EYS: variants seen among roughly 807,000 people sequenced by gnomAD.
EYS encodes the protein protein eyes shut homolog.
EYS carries 250 observed loss-of-function variants against 282.1 expected under a neutral mutation model. That is an observed-to-expected ratio of 0.89 (90% CI 0.80 to 0.98). The LOEUF (loss-of-function observed/expected upper bound fraction) is 0.98. EYS is among the 50% of genes least tolerant of loss of function. The pLI is 0.00. For missense variants in EYS, 4,016 were observed against 3,709.0 expected, an observed-to-expected ratio of 1.08 and a Z score of -2.15; for synonymous variants, 1,355 against 1,282.9, an observed-to-expected ratio of 1.06 and a Z score of -1.20.
chr6:64,023,265 A>T (rs1298878386), intron 33 of EYS, among the ~76,000 whole-genome samples: 3 of 152,228 alleles, frequency 2.0e-5, no homozygotes, highest in Non-Finnish European at 4.4e-5. Context: ...CTGTTGATCG[A>T]TACTTCTCCA....
intron 30 of EYS, among the ~76,000 whole-genome samples, chr6:64,266,295 A>G (rs780805297): frequency 3.9e-5 from 6 of 152,126 alleles, no homozygotes; most frequent in Non-Finnish European, 7.4e-5. Flanking sequence ...ATACATGGGT[A>G]ATACCTAAGC....
chr6:64,650,608 A>G (rs1768522928), intron 22 of EYS, among the ~76,000 whole-genome samples: 1 of 152,048 alleles, frequency 6.6e-6, no homozygotes, highest in South Asian at 2.1e-4. Context: ...TATTGTTTTG[A>G]GGAAAGGGGG....
intron 12 of EYS, among the ~76,000 whole-genome samples, chr6:65,263,973 G>C (rs1326882688): frequency 6.6e-6 from 1 of 151,994 alleles, no homozygotes; most frequent in Non-Finnish European, 1.5e-5. Flanking sequence ...TAGGAAAAAA[G>C]CCAGTCATGA....
At chr6:65,458,358 C>T (rs1272920524) in intron 5 of EYS, among the ~76,000 whole-genome samples, 1 of 152,094 alleles carries the variant, frequency 6.6e-6, no homozygotes, top group Non-Finnish European at 1.5e-5. Flanking sequence ...AGGACAGAAA[C>T]TACGGATTCA....
intron 14 of EYS, 135 bp downstream of exon 14, chr6:64,997,447 T>C: frequency 1.2e-6 from 1 of 800,146 alleles, no homozygotes. Flanking sequence ...AGTTTCTGTT[T>C]TCTAACCTTG....
chr6:65,460,326 A>C (rs1764785875), intron 5 of EYS, among the ~76,000 whole-genome samples: 1 of 151,850 alleles, frequency 6.6e-6, no homozygotes, highest in Admixed American at 6.6e-5. Context: ...GCCATACTAT[A>C]AATGTTTGCA....
At chr6:64,001,332 A>G (rs575531449) in intron 33 of EYS, among the ~76,000 whole-genome samples, 1 of 152,350 alleles carries the variant, frequency 6.6e-6, no homozygotes, top group South Asian at 2.1e-4. Context: ...TTTTGTAAAA[A>G]TAAATTACAC....
At chr6:64,530,125 T>C (rs1041665696) in intron 26 of EYS, among the ~76,000 whole-genome samples, 1 of 152,134 alleles carries the variant, frequency 6.6e-6, no homozygotes. Flanking sequence ...ACAGTCTTTT[T>C]AGTATAGTGA....
intron 35 of EYS, among the ~76,000 whole-genome samples, chr6:63,895,157 AAAAG>A (rs1160608663): frequency 6.6e-6 from 1 of 152,154 alleles, no homozygotes; most frequent in Non-Finnish European, 1.5e-5. Flanking sequence ...ATAAAAAAAA[AAAAG>A]AATGGAGGCA....
At chr6:64,831,764 T>C (rs1252668658) in intron 19 of EYS, among the ~76,000 whole-genome samples, 1 of 151,966 alleles carries the variant, frequency 6.6e-6, no homozygotes, top group Non-Finnish European at 1.5e-5. Flanking sequence ...GTAAAAGTTA[T>C]AAAAACAATT....
chr6:64,241,942 C>G (rs1249874268), intron 30 of EYS, among the ~76,000 whole-genome samples: 2 of 151,878 alleles, frequency 1.3e-5, no homozygotes, highest in Non-Finnish European at 2.9e-5. Flanking sequence ...TATTCAGGAG[C>G]AGTTTGTCGG....
chr6:64,167,238 T>C (rs1267253292), intron 31 of EYS, among the ~76,000 whole-genome samples: 2 of 152,194 alleles, frequency 1.3e-5, no homozygotes, highest in Non-Finnish European at 2.9e-5. Context: ...TTCTGGTATA[T>C]AAAATGGTAC....
At chr6:64,612,333 C>G (rs955126029) in intron 24 of EYS, among the ~76,000 whole-genome samples, 1 of 152,034 alleles carries the variant, frequency 6.6e-6, no homozygotes, top group East Asian at 1.9e-4. Context: ...AGACACTCAT[C>G]GGTTAATGCA....
At chr6:65,053,825 A>G (rs1467697048) in intron 13 of EYS, among the ~76,000 whole-genome samples, 4 of 151,934 alleles carry the variant, frequency 2.6e-5, no homozygotes, top group Non-Finnish European at 4.4e-5. Flanking sequence ...ACCTGTATCT[A>G]TTGAATTCCA....
At chr6:65,009,480 A>T (rs113555759) in intron 13 of EYS, among the ~76,000 whole-genome samples, 10,943 of 152,040 alleles carry the variant, frequency 0.072, 462 homozygotes, top group African/African-American at 0.12. Flanking sequence ...GACCTTAAGG[A>T]TGTCTTTTTC....
chr6:65,271,128 T>TATATATATATATATA (rs1554174612), intron 12 of EYS, among the ~76,000 whole-genome samples: 3 of 55,788 alleles, frequency 5.4e-5, no homozygotes, highest in Non-Finnish European at 7.3e-5. Context: ...AATCAATAGA[T>TATATATATATATATA]TATATATATA....
intron 2 of EYS, among the ~76,000 whole-genome samples, chr6:65,608,386 G>A (rs1353201150): frequency 6.6e-6 from 1 of 152,024 alleles, no homozygotes; most frequent in African/African-American, 2.4e-5. Flanking sequence ...TTGCAGGACT[G>A]AAAGTTGCTC....
chr6:64,559,236 C>A lies in EYS; in HGVS notation c.5644+30987G>T, dbSNP rs926851163. Among the ~76,000 whole-genome samples, 10 of 148,778 alleles carry A rather than the reference C, an allele frequency of 6.7e-5. No individual in the cohort carries two copies. The East Asian group carries it at 1.6e-3, about 24-fold the overall frequency. The stretch of plus-strand genomic sequence containing the variant: ...ATGACCATAAACTATTTAACATTTT[C>A]TTTTCTTTCCTTCTTTGTATGTGTG... On this transcript the variant is annotated intron_variant, in intron 26 of 42. Transcript: ENST00000503581.
In EYS at chr6:65,605,798, A is replaced by G. The variant is rs1582510220; in HGVS notation, c.-333+33980T>C. Reference sequence around the variant, plus strand: ...GGCAAGCTATGAAAAATTATGTTGAATAAATATGTGTGTGTATGTGTGTAT... The same window carrying G: ...GGCAAGCTATGAAAAATTATGTTGAGTAAATATGTGTGTGTATGTGTGTAT... On this transcript the variant is annotated intron_variant, in intron 2 of 42. Coordinates refer to ENST00000503581, the MANE Select transcript of EYS (RefSeq NM_001142800.2). Among the ~76,000 whole-genome samples the G allele has an allele frequency of 2.0e-5, 3 of 151,956 alleles. 1 individual carries two copies. In the South Asian group the frequency reaches 6.2e-4, roughly 31 times the overall value.
Sources: allele counts gnomAD v4.1 joint callset (sites outside exome capture counted in the v4.1 genomes callset), GRCh38; gene constraint gnomAD v4.1.1; transcripts MANE v1.5; gene names NCBI Gene and HGNC (gene_info 2026-07-23, HGNC 2026-07-21).